Variants in POFUT3 observed in about 807,000 individuals in gnomAD.
POFUT3 encodes the protein GDP-fucose protein O-fucosyltransferase 3.
chr8:33,455,616 T>A, the POFUT3 span, among the ~76,000 whole-genome samples: 1 of 152,316 alleles, frequency 6.6e-6, no homozygotes, highest in East Asian at 1.9e-4. Flanking sequence ...CATATGTAAC[T>A]GAAAGTTTAG....
At chr8:33,459,727 A>C in the POFUT3 span, among the ~76,000 whole-genome samples, 1 of 151,908 alleles carries the variant, frequency 6.6e-6, no homozygotes, top group African/African-American at 2.4e-5. Context: ...TGATATCTAT[A>C]CTTTTACTAT....
At chr8:33,326,914 T>A in the POFUT3 span, among the ~76,000 whole-genome samples, 1 of 152,362 alleles carries the variant, frequency 6.6e-6, no homozygotes, top group East Asian at 1.9e-4. Flanking sequence ...TAGCTGGGAC[T>A]ACAAAAGCAT....
At chr8:33,472,598 C>A in the POFUT3 span, among the ~76,000 whole-genome samples, 1 of 152,216 alleles carries the variant, frequency 6.6e-6, no homozygotes, top group Non-Finnish European at 1.5e-5. Flanking sequence ...ACACAACATT[C>A]CTGCAACAAG....
chr8:33,416,267 T>C, the POFUT3 span, among the ~76,000 whole-genome samples: 1 of 152,238 alleles, frequency 6.6e-6, no homozygotes, highest in Non-Finnish European at 1.5e-5. Flanking sequence ...ATCCACGTAG[T>C]AGTCATTTTA....
chr8:33,310,518 A>G, the POFUT3 span, among the ~76,000 whole-genome samples: 2 of 151,824 alleles, frequency 1.3e-5, no homozygotes, highest in Admixed American at 1.3e-4. Context: ...GAGACCAGCT[A>G]TGGCCAACAT....
At chr8:33,461,025 G>A in the POFUT3 span, among the ~76,000 whole-genome samples, 2 of 151,820 alleles carry the variant, frequency 1.3e-5, no homozygotes, top group East Asian at 2.0e-4. Flanking sequence ...CGTGGTAGCG[G>A]GTGCCTGTAA....
chr8:33,353,154 C>T, the POFUT3 span, among the ~76,000 whole-genome samples: 4 of 152,340 alleles, frequency 2.6e-5, no homozygotes, highest in Non-Finnish European at 2.9e-5. Context: ...CTGGTTAATA[C>T]ATGAATGGTG....
chr8:33,350,860 C>T, the POFUT3 span, among the ~76,000 whole-genome samples: 24 of 152,034 alleles, frequency 1.6e-4, no homozygotes, highest in Admixed American at 3.3e-4. Flanking sequence ...GGTGGATGAA[C>T]GTTCTAAATG....
chr8:33,317,775 C>CTGTA, the POFUT3 span, among the ~76,000 whole-genome samples: 1 of 152,006 alleles, frequency 6.6e-6, no homozygotes, highest in Non-Finnish European at 1.5e-5. Context: ...CAGTTTGGGT[C>CTGTA]TGTAACACAC....
At chr8:33,367,967 G>A in the POFUT3 span, among the ~76,000 whole-genome samples, 1 of 151,936 alleles carries the variant, frequency 6.6e-6, no homozygotes, top group Non-Finnish European at 1.5e-5. Flanking sequence ...ATCTTCTCTG[G>A]TAAGCTGGGT....
At chr8:33,402,907 A>T in the POFUT3 span, among the ~76,000 whole-genome samples, 43,479 of 151,444 alleles carry the variant, frequency 0.29, 6,421 homozygotes, top group East Asian at 0.46. Flanking sequence ...ACAATTTTTT[A>T]AAAATCAGCC....
At chr8:33,418,249 C>T in the POFUT3 span, among the ~76,000 whole-genome samples, 1 of 152,266 alleles carries the variant, frequency 6.6e-6, no homozygotes, top group Non-Finnish European at 1.5e-5. Context: ...CCACAACCAC[C>T]ACCGCTGAAC....
the POFUT3 span, among the ~76,000 whole-genome samples, chr8:33,435,775 C>A: frequency 1.3e-5 from 2 of 152,138 alleles, no homozygotes; most frequent in Non-Finnish European, 2.9e-5. Flanking sequence ...CTCGGCCTCC[C>A]AAAGTGCTGG....
At chr8:33,420,317 A>G in the POFUT3 span, among the ~76,000 whole-genome samples, 8 of 152,184 alleles carry the variant, frequency 5.3e-5, no homozygotes, top group African/African-American at 1.9e-4. Context: ...TGCTGGTTCT[A>G]TGTTGAGCAG....
At chr8:33,436,442 G>T in the POFUT3 span, 4 of 1,442,708 alleles carry the variant, frequency 2.8e-6, no homozygotes, top group Non-Finnish European at 3.9e-6. Context: ...GTACAGGTGG[G>T]ACTGATGTTG....
At chr8:33,434,396 C>A in the POFUT3 span, among the ~76,000 whole-genome samples, 5 of 152,132 alleles carry the variant, frequency 3.3e-5, no homozygotes, top group African/African-American at 1.2e-4. Context: ...CCCACCAAGG[C>A]ACCCCTCCCA....
chr8:33,360,478 A>T, the POFUT3 span, among the ~76,000 whole-genome samples: 2 of 151,660 alleles, frequency 1.3e-5, no homozygotes, highest in Non-Finnish European at 2.9e-5. Context: ...AATAAAATAA[A>T]TAAATAAATA....
the POFUT3 span, among the ~76,000 whole-genome samples, chr8:33,363,849 G>A: frequency 6.6e-6 from 1 of 152,176 alleles, no homozygotes; most frequent in Admixed American, 6.5e-5. Flanking sequence ...GTACAAGGAG[G>A]AGCTAGTACC....
At chr8:33,443,984 TAAA>T in the POFUT3 span, among the ~76,000 whole-genome samples, 1 of 143,156 alleles carries the variant, frequency 7.0e-6, no homozygotes, top group Non-Finnish European at 1.5e-5. Context: ...TTTTTTTTTT[TAAA>T]GAAAAGCAAT....
Sources: allele counts gnomAD v4.1 joint callset (sites outside exome capture counted in the v4.1 genomes callset), GRCh38; gene constraint gnomAD v4.1.1; transcripts MANE v1.5; gene names NCBI Gene and HGNC (gene_info 2026-07-23, HGNC 2026-07-21).